The following ASXL2 variants were observed in gnomAD, a reference collection of about 807,000 sequenced individuals.
ASXL2 encodes the protein putative Polycomb group protein ASXL2.
Under a neutral mutation model 122.0 loss-of-function variants are expected in ASXL2, and 23 were observed. The ratio of observed to expected loss-of-function variants is 0.19; its 90% CI spans 0.14 to 0.27. The LOEUF (loss-of-function observed/expected upper bound fraction) is 0.27. Ranked by LOEUF, ASXL2 falls within the 10% of genes least tolerant of loss-of-function variation. The pLI, the probability that ASXL2 is intolerant of heterozygous loss-of-function variation, is 1.00. For missense variants in ASXL2, 1,518 were observed against 1,713.8 expected (o/e 0.89, Z 2.02); for synonymous variants, 650 against 637.0 (o/e 1.02, Z -0.31).
intron 5 of ASXL2, among the ~76,000 whole-genome samples, chr2:25,775,405 G>C (rs980723327): frequency 3.9e-5 from 6 of 152,130 alleles, no homozygotes; most frequent in South Asian, 2.1e-4. Context: ...TGGGATTACA[G>C]GCACGAGCCA....
intron 5 of ASXL2, among the ~76,000 whole-genome samples, chr2:25,782,451 C>G (rs1057106067): frequency 6.6e-6 from 1 of 152,122 alleles, no homozygotes; most frequent in Admixed American, 6.5e-5. Context: ...GAAGCTGAGG[C>G]AGGAGAATTG....
chr2:25,784,096 AATAT>A (rs1190215268), intron 5 of ASXL2, among the ~76,000 whole-genome samples: 7 of 137,192 alleles, frequency 5.1e-5, no homozygotes, highest in Non-Finnish European at 8.1e-5. Flanking sequence ...TAAATAAATA[AATAT>A]AAAGTTAGCC....
chr2:25,822,349 G>A, intron 3 of ASXL2: 1 of 174,036 alleles, frequency 5.7e-6, no homozygotes. Context: ...TGAGGGAAGC[G>A]AGAAGAGGCC....
At position 25,743,523 on chromosome 2, in the gene ASXL2, G is replaced by A. The variant is rs2087876738; in HGVS notation, c.2814C>T (p.Pro938=). ...GGATACTAGAGGTTGGTCTTAAAGTGGGTCCATTCATGTTTAAAGAAGTTC... is the reference window on the plus strand; with the variant it reads ...GGATACTAGAGGTTGGTCTTAAAGTAGGTCCATTCATGTTTAAAGAAGTTC... The part of the protein sequence containing the change: ...TPGTSLNMNG[P]TLRPTSSIPA... Residue 938 remains proline, a synonymous_variant, in exon 13 of 13, where the codon CCC becomes CCT. Coordinates refer to ENST00000435504, the MANE Select transcript of ASXL2 (RefSeq NM_018263.6). The A allele has an allele frequency of 6.2e-7, 1 of 1,613,812 alleles. No individual in the cohort carries two copies. The highest frequency in any genetic ancestry group is 1.3e-5 in the African/African-American group (1 of 74,898).
At chr2:25,791,267 T>A (rs921257431) in intron 5 of ASXL2, among the ~76,000 whole-genome samples, 3 of 151,906 alleles carry the variant, frequency 2.0e-5, no homozygotes, top group Admixed American at 6.6e-5. Flanking sequence ...GGCAAGCAGA[T>A]CACAAGGTCA....
chr2:25,766,404 A>T (rs2088351488), intron 8 of ASXL2, among the ~76,000 whole-genome samples: 1 of 152,214 alleles, frequency 6.6e-6, no homozygotes, highest in African/African-American at 2.4e-5. Flanking sequence ...ACTATGTGAG[A>T]CATTGTACGA....
intron 1 of ASXL2, among the ~76,000 whole-genome samples, chr2:25,853,051 A>G (rs912642365): frequency 1.8e-4 from 28 of 152,230 alleles, no homozygotes; most frequent in Non-Finnish European, 3.2e-4. Context: ...CTGAACCAGC[A>G]TAAGGGAGAC....
intron 5 of ASXL2, among the ~76,000 whole-genome samples, chr2:25,796,253 CAA>C (rs2088909857): frequency 6.6e-6 from 1 of 152,082 alleles, no homozygotes; most frequent in African/African-American, 2.4e-5. Flanking sequence ...TCTAGTATTC[CAA>C]CATAACCTGA....
At chr2:25,766,911 T>C (rs538800420) in intron 8 of ASXL2, among the ~76,000 whole-genome samples, 1 of 152,300 alleles carries the variant, frequency 6.6e-6, no homozygotes, top group South Asian at 2.1e-4. Flanking sequence ...CCCCCTTCTC[T>C]TCTGTAATAC....
In ASXL2 at chr2:25,743,539, A is replaced by G; in HGVS notation, c.2798T>C (p.Leu933Ser). Residue 933 changes from leucine to serine, a missense_variant, in exon 13 of 13, where the codon TTA becomes TCA. By Grantham distance (145) the Leu-to-Ser change is moderately radical. Coordinates refer to ENST00000435504, the MANE Select transcript of ASXL2 (RefSeq NM_018263.6). ...ASSLKTPGTS[L>S]NMNGPTLRPT... ...TCTTAAAGTGGGTCCATTCATGTTT[A>G]AAGAAGTTCCTGGGGTTTTAAGGCT... The G allele has an allele frequency of 6.2e-7, 1 of 1,613,998 alleles. No individual in the cohort carries two copies. The highest frequency in any genetic ancestry group is 8.5e-7 in the Non-Finnish European group (1 of 1,179,888).
chr2:25,804,997 C>A (rs2089060490), intron 4 of ASXL2, among the ~76,000 whole-genome samples: 1 of 152,092 alleles, frequency 6.6e-6, no homozygotes, highest in East Asian at 1.9e-4. Context: ...TTGTAGCGAA[C>A]CAAGACTGTG....
intron 2 of ASXL2, among the ~76,000 whole-genome samples, chr2:25,843,880 A>T (rs2089618227): frequency 6.6e-6 from 1 of 152,104 alleles, no homozygotes; most frequent in African/African-American, 2.4e-5. Context: ...TAGAACATGC[A>T]ATGGCTATTC....
chr2:25,749,361 A>G (rs1003046427), intron 12 of ASXL2, among the ~76,000 whole-genome samples: 1 of 152,236 alleles, frequency 6.6e-6, no homozygotes, highest in Middle Eastern at 3.2e-3. Context: ...GCTGAGAATT[A>G]TAACTAAGTT....
chr2:25,799,178 G>A (rs191897704), intron 5 of ASXL2, among the ~76,000 whole-genome samples: 2 of 152,202 alleles, frequency 1.3e-5, no homozygotes, highest in African/African-American at 4.8e-5. Flanking sequence ...GTATTCAATA[G>A]GCCCATGTAG....
At position 25,811,647 on chromosome 2, in the gene ASXL2, A is replaced by G. The variant is rs552286935; in HGVS notation, c.144-5310T>C. On this transcript the variant is annotated intron_variant, in intron 3 of 12. Coordinates refer to ENST00000435504, the MANE Select transcript of ASXL2 (RefSeq NM_018263.6). ...AAAAGGCAAATTAAATCAAGATGCC[A>G]TTGGTCAGATGGAAAGAAAGAAAAT... is the stretch of plus-strand genomic sequence containing the variant. Among the ~76,000 whole-genome samples, 8 of 152,304 alleles carry G rather than the reference A, an allele frequency of 5.3e-5. No individual in the cohort carries two copies. The East Asian group carries it at 1.3e-3, about 26-fold the overall frequency.
rs912008334 is a variant in ASXL2 at position 25,767,740 on chromosome 2, A to G, written c.632-14T>C. On this transcript the variant is annotated splice_polypyrimidine_tract_variant and intron_variant, in intron 7 of 12. Coordinates refer to ENST00000435504, the MANE Select transcript of ASXL2 (RefSeq NM_018263.6). ...CTTCCCATGTTGCTAGGAGAAAAAA[A>G]TACGTATAAAGACTGGTAGCACTGA... The G allele has an allele frequency of 1.2e-6, 2 of 1,613,518 alleles. No individual in the cohort carries two copies. The highest frequency in any genetic ancestry group is 2.2e-5 in the South Asian group (2 of 91,070).
At chr2:25,860,592 T>C (rs2089832820) in intron 1 of ASXL2, among the ~76,000 whole-genome samples, 1 of 151,546 alleles carries the variant, frequency 6.6e-6, no homozygotes, top group African/African-American at 2.4e-5. Context: ...ATGCCTGTAA[T>C]GGTAGCTACT....
chr2:25,765,435 G>A (rs1239369012), intron 8 of ASXL2, among the ~76,000 whole-genome samples: 10 of 151,830 alleles, frequency 6.6e-5, no homozygotes, highest in Middle Eastern at 3.4e-3. Flanking sequence ...GCAGTGAGCC[G>A]AGATCGGGCC....
At chr2:25,766,688 C>G (rs1259855961) in intron 8 of ASXL2, among the ~76,000 whole-genome samples, 1 of 152,100 alleles carries the variant, frequency 6.6e-6, no homozygotes, top group Non-Finnish European at 1.5e-5. Context: ...ATTTTGGAAG[C>G]CAAGGAGGAG....
Sources: gnomAD v4.1 joint callset for allele counts (sites outside exome capture counted in the v4.1 genomes callset) on GRCh38, gnomAD v4.1.1 for gene constraint, MANE v1.5 for transcripts, NCBI Gene and HGNC (gene_info 2026-07-23, HGNC 2026-07-21) for gene names.